FBXO17: variants seen among roughly 807,000 people sequenced by gnomAD.
FBXO17 encodes F-box protein 17, also known as F-box only protein 17.
Under a neutral mutation model 34.1 loss-of-function variants are expected in FBXO17, and 43 were observed. The ratio of observed to expected loss-of-function variants is 1.26; its 90% CI spans 0.99 to 1.62. The LOEUF (loss-of-function observed/expected upper bound fraction) is 1.62, where lower values mean the gene tolerates loss of function less well. Ranked by LOEUF, FBXO17 falls within the 40% of genes most tolerant of loss-of-function variation. FBXO17 has a pLI of 0.00. For synonymous variants in FBXO17, 169 were observed against 166.0 expected (o/e 1.02, Z -0.14); for missense variants, 424 against 386.7 (o/e 1.10, Z -0.81).
intron 3 of FBXO17, 136 bp downstream of exon 3, chr19:38,948,431 T>C (rs1485143990): frequency 3.1e-6 from 2 of 655,124 alleles, no homozygotes; most frequent in Admixed American, 6.0e-5. Flanking sequence ...ATTTGTTGAT[T>C]GATGGAATGA....
chr19:38,962,275 G>A (rs900989720), intron 1 of FBXO17, among the ~76,000 whole-genome samples: 2 of 152,086 alleles, frequency 1.3e-5, no homozygotes, highest in Non-Finnish European at 2.9e-5. Context: ...ATGATGCTAA[G>A]TTTTTTTCAG....
At chr19:38,948,728 GAA>G in intron 2 of FBXO17, 50 bp from the exon 3 acceptor site, 1 of 1,538,414 alleles carries the variant, frequency 6.5e-7, no homozygotes. Context: ...AGCCTGCCCA[GAA>G]GAGACCCCGC....
chr19:38,945,795 TGGGGTGGAGCCAGAGCA>T (rs1974974510), intron 4 of FBXO17: 1 of 109,844 alleles, frequency 9.1e-6, no homozygotes, highest in South Asian at 2.1e-4. Flanking sequence ...TGGGTGGTCC[TGGGGTGGAGCCAGAGCA>T]GGGGAGGAGC....
rs566820523 is a variant in FBXO17 at position 38,961,018 on chromosome 19, G to A, written c.-17-10682C>T. ...AGACGGGGTTTCACTGTGTTGGCCA[G>A]TCTGGTCTCGAACTCCTGACCTCAA... is the stretch of plus-strand genomic sequence containing the variant. On this transcript the variant is annotated intron_variant, in intron 1 of 5. Coordinates refer to ENST00000292852, the MANE Select transcript of FBXO17 (RefSeq NM_024907.7). Among the ~76,000 whole-genome samples the A allele has an allele frequency of 2.6e-5, 4 of 152,150 alleles. No individual in the cohort carries two copies. The South Asian group carries it at 8.3e-4, about 32-fold the overall frequency.
At chr19:38,942,795 C>T in intron 5 of FBXO17, 44 bp from the exon 6 acceptor site, 5 of 1,572,484 alleles carry the variant, frequency 3.2e-6, no homozygotes, top group South Asian at 2.4e-5. Context: ...CTGCGGGCCC[C>T]TTCTCTTCCT....
chr19:38,946,057 G>A, intron 4 of FBXO17: 1 of 206,414 alleles, frequency 4.8e-6, no homozygotes, highest in Non-Finnish European at 1.0e-5. Context: ...GGTGTTTTGG[G>A]AAGAAGGCAT....
At chr19:38,953,868 C>G (rs1360994759) in intron 1 of FBXO17, among the ~76,000 whole-genome samples, 1 of 151,576 alleles carries the variant, frequency 6.6e-6, no homozygotes, top group African/African-American at 2.4e-5. Flanking sequence ...CGGGTGTGGG[C>G]AAGGGTGCAG....
intron 2 of FBXO17, chr19:38,949,735 C>T (rs985491842): frequency 2.0e-5 from 12 of 585,972 alleles, no homozygotes; most frequent in Middle Eastern, 4.5e-4. Flanking sequence ...CTTTCTCCCC[C>T]GGCCCAGCCA....
chr19:38,960,539 C>T (rs551731956), intron 1 of FBXO17, among the ~76,000 whole-genome samples: 14 of 152,092 alleles, frequency 9.2e-5, no homozygotes, highest in East Asian at 3.9e-4. Context: ...GACAGAGTCT[C>T]GCTCTGTCCC....
intron 1 of FBXO17, among the ~76,000 whole-genome samples, chr19:38,957,624 T>G (rs891409815): frequency 7.9e-5 from 12 of 152,070 alleles, no homozygotes; most frequent in African/African-American, 2.4e-4. Flanking sequence ...GATTACAGAC[T>G]TGAGCCACTG....
intron 1 of FBXO17, among the ~76,000 whole-genome samples, chr19:38,969,732 G>T (rs1471301058): frequency 6.6e-6 from 1 of 151,764 alleles, no homozygotes; most frequent in Non-Finnish European, 1.5e-5. Flanking sequence ...AGGTAGCTGG[G>T]ATTACAGCTA....
rs542479957 is a variant in FBXO17 at position 38,975,058 on chromosome 19, C to T, written c.-18+528G>A. Among the ~76,000 whole-genome samples the T allele has an allele frequency of 2.6e-5, 4 of 152,268 alleles. No homozygotes were observed. In the South Asian group the frequency reaches 8.3e-4, roughly 32 times the overall value. Reference sequence around the variant, plus strand: ...ATATCACTGAACATTGCAAAAGTAACTTGGCAGAACAAAATTTAAATTGAG... The same window carrying T: ...ATATCACTGAACATTGCAAAAGTAATTTGGCAGAACAAAATTTAAATTGAG... On this transcript the variant is annotated intron_variant, in intron 1 of 5. Transcript: ENST00000292852. The surrounding 1 kb of genome is among the most constrained non-coding windows in gnomAD (Gnocchi z 4.9).
At chr19:38,968,583 C>T (rs976475802) in intron 1 of FBXO17, among the ~76,000 whole-genome samples, 6 of 151,904 alleles carry the variant, frequency 3.9e-5, no homozygotes, top group African/African-American at 1.2e-4. Context: ...AATGAAAATA[C>T]ACCTTCTACC....
chr19:38,947,976 G>A (rs534263572), intron 3 of FBXO17, among the ~76,000 whole-genome samples: 1 of 150,776 alleles, frequency 6.6e-6, no homozygotes, highest in South Asian at 2.1e-4. Context: ...AGGCAAAAGC[G>A]ACTCCATCTT....
chr19:38,966,072 C>A (rs775928469), intron 1 of FBXO17, among the ~76,000 whole-genome samples: 10 of 151,974 alleles, frequency 6.6e-5, no homozygotes, highest in African/African-American at 2.2e-4. Flanking sequence ...TGGGTTCAAG[C>A]GATTCTCCTG....
chr19:38,971,570 G>A (rs544149284), intron 1 of FBXO17, among the ~76,000 whole-genome samples: 30 of 152,262 alleles, frequency 2.0e-4, no homozygotes, highest in African/African-American at 6.7e-4. Flanking sequence ...GATGGCTTGA[G>A]CCCAAGAGTT....
In FBXO17 at chr19:38,973,204, C is replaced by G. The variant is rs373255167; in HGVS notation, c.-18+2382G>C. On this transcript the variant is annotated intron_variant, in intron 1 of 5. Coordinates refer to ENST00000292852, the MANE Select transcript of FBXO17 (RefSeq NM_024907.7). ...GCTGACCAACACGGTGAAACCCCAT[C>G]TCTACTAAAAATACAAAAAAATTAG... is the stretch of plus-strand genomic sequence containing the variant. Among the ~76,000 whole-genome samples, 16 of 152,146 alleles carry G rather than the reference C, an allele frequency of 1.1e-4. No homozygotes were observed. The East Asian group carries it at 2.1e-3, about 20-fold the overall frequency.
Position 38,973,830 on chromosome 19 carries a change from T to C in FBXO17, c.-18+1756A>G, listed in dbSNP as rs543679593. Among the ~76,000 whole-genome samples, 565 of 150,584 alleles carry C rather than the reference T, an allele frequency of 3.8e-3. 4 individuals are homozygous for C. Among genetic ancestry groups the C allele is most frequent in the Middle Eastern group, 0.01 (3 of 294 alleles). ...CCGTATCCACAAAAAATAAAAAAAT[T>C]AGTGGGGTTTGGTGGGGGGGCGTGC... On this transcript the variant is annotated intron_variant, in intron 1 of 5. Transcript: ENST00000292852.
At chr19:38,951,945 G>A (rs770226113) in intron 1 of FBXO17, among the ~76,000 whole-genome samples, 2 of 151,828 alleles carry the variant, frequency 1.3e-5, no homozygotes, top group Admixed American at 6.6e-5. Context: ...CACCACGCTC[G>A]GCCCGAGTTT....
Sources: allele counts gnomAD v4.1 joint callset (sites outside exome capture counted in the v4.1 genomes callset), GRCh38; gene constraint gnomAD v4.1.1; non-coding constraint Gnocchi (gnomAD v3.1); transcripts MANE v1.5; gene names NCBI Gene and HGNC (gene_info 2026-07-23, HGNC 2026-07-21).